DPH6: variants seen among roughly 807,000 people sequenced by gnomAD.
DPH6 encodes the protein diphthamine biosynthesis 6.
A neutral mutation model predicts 38.2 loss-of-function variants in DPH6; 33 were observed. The observed-to-expected ratio is 0.86, with a 90% CI of 0.65 to 1.15. The LOEUF (loss-of-function observed/expected upper bound fraction) is 1.15. DPH6 is among the 50% of genes most tolerant of loss of function. DPH6 has a pLI of 0.00. For missense variants in DPH6, 325 were observed against 320.0 expected, an observed-to-expected ratio of 1.02 and a Z score of -0.12; for synonymous variants, 108 against 103.0, an observed-to-expected ratio of 1.05 and a Z score of -0.30.
At chr15:35,538,809 T>C (rs544210655) in intron 2 of DPH6, among the ~76,000 whole-genome samples, 1 of 152,242 alleles carries the variant, frequency 6.6e-6, no homozygotes, top group Middle Eastern at 3.4e-3. Context: ...TTTTATTACA[T>C]AAATGTTTTT....
Position 35,382,210 on chromosome 15 carries a change from C to G in DPH6, c.568-294G>C, listed in dbSNP as rs374095179. Among the ~76,000 whole-genome samples, 59 of 151,746 alleles carry G rather than the reference C, an allele frequency of 3.9e-4. 1 individual carries two copies. In the East Asian group the frequency reaches 0.01, roughly 27 times the overall value. On this transcript the variant is annotated intron_variant, in intron 6 of 8. Coordinates refer to ENST00000256538, the MANE Select transcript of DPH6 (RefSeq NM_080650.4). ...CAGCACTTTGGGAGGCCGAGGCGGG[C>G]GGATCACAAGGTCAGGAGATCGAGA...
At chr15:35,452,246 T>C (rs1443594960) in intron 4 of DPH6, among the ~76,000 whole-genome samples, 1 of 152,190 alleles carries the variant, frequency 6.6e-6, no homozygotes, top group African/African-American at 2.4e-5. Context: ...GAGAGGACTA[T>C]AATTGTTTAA....
At chr15:35,357,443 T>A (rs992448820) in intron 3 of DPH6, among the ~76,000 whole-genome samples, 2 of 152,224 alleles carry the variant, frequency 1.3e-5, no homozygotes, top group African/African-American at 4.8e-5. Context: ...ATTTTATTTT[T>A]GTTTTTGCTT....
At chr15:35,522,415 A>T in intron 3 of DPH6, 2 of 779,880 alleles carry the variant, frequency 2.6e-6, no homozygotes, top group Non-Finnish European at 3.8e-6. Context: ...CAGGACTGCA[A>T]GTGAATGAAA....
intron 6 of DPH6, among the ~76,000 whole-genome samples, chr15:35,388,660 T>C (rs1196771044): frequency 5.9e-5 from 9 of 152,196 alleles, no homozygotes; most frequent in African/African-American, 1.2e-4. Flanking sequence ...TGATGGTAGT[T>C]TGTATTTCTG....
the DPH6 span, among the ~76,000 whole-genome samples, chr15:35,183,957 G>A: frequency 4.7e-3 from 723 of 152,254 alleles, 3 homozygotes; most frequent in Middle Eastern, 6.8e-3. Context: ...GTACTTAGAT[G>A]TTAGAAAACA....
chr15:35,334,732 G>T (rs1015038841), intron 3 of DPH6, among the ~76,000 whole-genome samples: 11 of 152,116 alleles, frequency 7.2e-5, no homozygotes, highest in African/African-American at 1.9e-4. Flanking sequence ...CAAAGGACAA[G>T]ATTTTGTTCT....
intron 3 of DPH6, among the ~76,000 whole-genome samples, chr15:35,476,797 C>A (rs2054269456): frequency 6.6e-6 from 1 of 151,726 alleles, no homozygotes; most frequent in African/African-American, 2.4e-5. Flanking sequence ...AGTAACAATG[C>A]ATTTATTCAG....
At chr15:35,370,140 C>T (rs763407080), downstream of DPH6, among the ~76,000 whole-genome samples, 1 of 151,628 alleles carries the variant, frequency 6.6e-6, no homozygotes, top group Non-Finnish European at 1.5e-5. Context: ...AACTGAATAA[C>T]TACATTTTTA....
downstream of DPH6, chr15:35,365,883 C>T (rs1266359225): frequency 1.0e-6 from 1 of 985,132 alleles, no homozygotes; most frequent in African/African-American, 1.7e-5. Flanking sequence ...CATTCAAGCC[C>T]CAAGTTGTCT....
intron 3 of DPH6, among the ~76,000 whole-genome samples, chr15:35,309,834 C>T (rs1465371330): frequency 6.6e-6 from 1 of 152,192 alleles, no homozygotes; most frequent in Non-Finnish European, 1.5e-5. Flanking sequence ...GTGCCTGGCA[C>T]ATTTCTGAAA....
rs145799737 is a variant in DPH6 at position 35,512,669 on chromosome 15, G to C, written c.312+25605C>G. Among the ~76,000 whole-genome samples the C allele has an allele frequency of 6.8e-3, 1,033 of 152,120 alleles. 13 individuals carry two copies. The highest frequency in any genetic ancestry group is 0.024 in the African/African-American group (976 of 41,516). ...ATGGGCAGAATGCTGTTCCCACCTT[G>C]AGTTCACGAAATGCCAGGAATTATA... On this transcript the variant is annotated intron_variant, in intron 3 of 8. Transcript: ENST00000256538.
the DPH6 span, among the ~76,000 whole-genome samples, chr15:35,148,836 C>T: frequency 6.6e-6 from 1 of 152,066 alleles, no homozygotes; most frequent in African/African-American, 2.4e-5. Context: ...TCCCTGCAAA[C>T]ATTAAAAAAG....
At chr15:35,230,421 G>A (rs2051509297) in intron 3 of DPH6, among the ~76,000 whole-genome samples, 1 of 152,104 alleles carries the variant, frequency 6.6e-6, no homozygotes, top group African/African-American at 2.4e-5. Flanking sequence ...TCAGGGGAGT[G>A]GGCTCCCCTT....
At chr15:35,418,143 C>T (rs770732270) in intron 5 of DPH6, among the ~76,000 whole-genome samples, 11 of 152,068 alleles carry the variant, frequency 7.2e-5, no homozygotes, top group Admixed American at 2.6e-4. Flanking sequence ...TCACCAAAAT[C>T]CCAGCGGTCA....
chr15:35,520,155 T>C (rs2054901346), intron 3 of DPH6: 1 of 298,998 alleles, frequency 3.3e-6, no homozygotes, highest in Admixed American at 6.5e-5. Flanking sequence ...CCAATTCCAT[T>C]TGTCCCTTCT....
chr15:35,450,025 C>A (rs1781154541), intron 5 of DPH6, among the ~76,000 whole-genome samples: 1 of 152,066 alleles, frequency 6.6e-6, no homozygotes, highest in Admixed American at 6.5e-5. Context: ...AGACTGGGCT[C>A]AAACCCTACG....
chr15:35,409,713 G>A (rs1049946094), intron 6 of DPH6, among the ~76,000 whole-genome samples: 2 of 151,772 alleles, frequency 1.3e-5, no homozygotes, highest in African/African-American at 4.8e-5. Context: ...TGATATAATG[G>A]AGCTACAGAA....
At chr15:35,156,036 C>T in the DPH6 span, among the ~76,000 whole-genome samples, 1 of 152,142 alleles carries the variant, frequency 6.6e-6, no homozygotes. Flanking sequence ...ATGAAATTCA[C>T]ATTTGAGAAA....
Sources: gnomAD v4.1 joint callset for allele counts (sites outside exome capture counted in the v4.1 genomes callset) on GRCh38, gnomAD v4.1.1 for gene constraint, MANE v1.5 for transcripts, NCBI Gene and HGNC (gene_info 2026-07-23, HGNC 2026-07-21) for gene names.